Variants in SMYD3 observed in about 807,000 individuals in gnomAD.
SMYD3 encodes histone-lysine N-methyltransferase SMYD3.
Under a neutral mutation model 57.7 loss-of-function variants are expected in SMYD3, and 36 were observed. The ratio of observed to expected loss-of-function variants is 0.62; its 90% CI spans 0.48 to 0.82. The LOEUF (loss-of-function observed/expected upper bound fraction) is 0.82. SMYD3 is among the 40% of genes least tolerant of loss of function. SMYD3 has a pLI of 0.00. For synonymous variants in SMYD3, 211 were observed against 195.0 expected (o/e 1.08, Z -0.68); for missense variants, 515 against 538.8 (o/e 0.96, Z 0.44).
At chr1:245,868,488 T>C (rs1403165654) in intron 8 of SMYD3, among the ~76,000 whole-genome samples, 2 of 152,168 alleles carry the variant, frequency 1.3e-5, no homozygotes, top group African/African-American at 4.8e-5. Context: ...TATTCTTCTA[T>C]CAAGCAGGGT....
chr1:246,184,187 T>C (rs1252656962), intron 5 of SMYD3, among the ~76,000 whole-genome samples: 1 of 152,194 alleles, frequency 6.6e-6, no homozygotes, highest in African/African-American at 2.4e-5. Flanking sequence ...AAAACACTAG[T>C]CCTTTCTGGG....
rs1164186603 is a variant in SMYD3 at position 246,127,003 on chromosome 1, A to G, written c.532-197066T>C. Among the ~76,000 whole-genome samples the G allele has an allele frequency of 2.0e-5, 3 of 152,202 alleles. No individual in the cohort carries two copies. In the East Asian group the frequency reaches 5.8e-4, roughly 29 times the overall value. ...ACAAAGATGCAGCACTGAATCTAAT[A>G]GGGTTAGTAACCACTGCTTTGGATG... On this transcript the variant is annotated intron_variant, in intron 5 of 11. Coordinates refer to ENST00000490107, the MANE Select transcript of SMYD3 (RefSeq NM_001167740.2).
At chr1:245,995,198 T>C (rs1572861426) in intron 5 of SMYD3, among the ~76,000 whole-genome samples, 1 of 152,206 alleles carries the variant, frequency 6.6e-6, no homozygotes, top group African/African-American at 2.4e-5. Flanking sequence ...AGTAAACAAA[T>C]TGTCATGCTT....
Position 246,398,829 on chromosome 1 carries a change from G to T in SMYD3, c.165-43735C>A, listed in dbSNP as rs375438503. On this transcript the variant is annotated intron_variant, in intron 1 of 11. Coordinates refer to ENST00000490107, the MANE Select transcript of SMYD3 (RefSeq NM_001167740.2). ...CCAAAGAAACAGAATTCAAGAACTA[G>T]TGATGAGTCTGACAAGAGCTATATA... 7.2e-5 allele frequency among the ~76,000 whole-genome samples: 11 copies of T among 152,160 alleles called. No homozygotes were observed. In the East Asian group the frequency reaches 1.5e-3, roughly 21 times the overall value.
intron 1 of SMYD3, among the ~76,000 whole-genome samples, chr1:246,427,475 C>G (rs1191808317): frequency 3.3e-5 from 5 of 150,640 alleles, no homozygotes; most frequent in African/African-American, 7.3e-5. Flanking sequence ...AGCCGAGATC[C>G]CGCCACTGCA....
At chr1:246,034,201 C>T (rs10924455) in intron 5 of SMYD3, among the ~76,000 whole-genome samples, 8,492 of 152,228 alleles carry the variant, frequency 0.056, 312 homozygotes, top group African/African-American at 0.098. Context: ...CAAATGAAGA[C>T]GTAACTCCAT....
chr1:245,928,525 T>C (rs186832494), intron 6 of SMYD3, among the ~76,000 whole-genome samples: 5 of 136,148 alleles, frequency 3.7e-5, no homozygotes, highest in African/African-American at 1.3e-4. Context: ...TACAAAAAAA[T>C]TAGCTGGGTG....
At chr1:246,507,026 C>T in intron 1 of SMYD3, 28 bp downstream of exon 1, 2 of 1,451,706 alleles carry the variant, frequency 1.4e-6, no homozygotes, top group Non-Finnish European at 1.8e-6. Context: ...GCTCGCGACT[C>T]AGGTAGGCGA....
chr1:246,371,585 ATACAT>A (rs2066192584), intron 1 of SMYD3, among the ~76,000 whole-genome samples: 1 of 152,226 alleles, frequency 6.6e-6, no homozygotes. Flanking sequence ...ATCACAGTAA[ATACAT>A]TTTTAAAAAG....
intron 1 of SMYD3, among the ~76,000 whole-genome samples, chr1:246,459,188 G>C (rs1313995935): frequency 6.7e-6 from 1 of 150,218 alleles, no homozygotes; most frequent in Non-Finnish European, 1.5e-5. Context: ...TCTCGTGATA[G>C]TTCTCGCGAG....
At chr1:246,148,011 G>A (rs1027310548) in intron 5 of SMYD3, among the ~76,000 whole-genome samples, 7 of 152,212 alleles carry the variant, frequency 4.6e-5, no homozygotes, top group South Asian at 2.1e-4. Context: ...GGTTGGGGCC[G>A]AGCCCGGGGC....
chr1:246,115,646 T>C (rs914642441), intron 5 of SMYD3, among the ~76,000 whole-genome samples: 26 of 152,222 alleles, frequency 1.7e-4, no homozygotes, highest in Non-Finnish European at 1.5e-5. Context: ...GGCAGTGCAT[T>C]TTCACTGGAC....
chr1:246,185,315 C>T (rs372705999), intron 5 of SMYD3, among the ~76,000 whole-genome samples: 133 of 152,094 alleles, frequency 8.7e-4, no homozygotes, highest in Middle Eastern at 3.4e-3. Context: ...TCGGCTACTG[C>T]AACCTCCGCC....
intron 10 of SMYD3, among the ~76,000 whole-genome samples, chr1:245,813,691 T>C (rs1433013704): frequency 2.0e-5 from 3 of 152,096 alleles, no homozygotes; most frequent in South Asian, 2.1e-4. Context: ...CAAAGCTCCA[T>C]AGAAAGCCTC....
chr1:246,344,681 T>A (rs2153381), intron 2 of SMYD3, among the ~76,000 whole-genome samples: 145,164 of 152,250 alleles, frequency 0.95, 69,227 homozygotes, highest in East Asian at 1. Context: ...AACGCTTTAC[T>A]TTCTCACCAC....
rs1192716500 is a variant in SMYD3, at chr1:246,154,155, C to T, written c.531+173046G>A. Among the ~76,000 whole-genome samples the T allele has an allele frequency of 2.6e-5, 4 of 152,336 alleles. No individual in the cohort carries two copies. In the South Asian group the frequency reaches 8.3e-4, roughly 32 times the overall value. ...CCACTCATGTGGTATTGCACGCAGCCTACATTCACTGAACGAATCAATGGA... is the reference window on the plus strand; with the variant it reads ...CCACTCATGTGGTATTGCACGCAGCTTACATTCACTGAACGAATCAATGGA... On this transcript the variant is annotated intron_variant, in intron 5 of 11. Coordinates refer to ENST00000490107, the MANE Select transcript of SMYD3 (RefSeq NM_001167740.2).
At chr1:246,023,833 G>GTA (rs1404959101) in intron 5 of SMYD3, among the ~76,000 whole-genome samples, 1 of 151,758 alleles carries the variant, frequency 6.6e-6, no homozygotes, top group Admixed American at 6.6e-5. Context: ...GTGTGTGTGT[G>GTA]TGTGTGTGTG....
intron 1 of SMYD3, among the ~76,000 whole-genome samples, chr1:246,392,783 CA>C (rs796240166): frequency 3.0e-4 from 24 of 79,358 alleles, no homozygotes; most frequent in East Asian, 7.0e-4. Context: ...GGTTCAACAG[CA>C]AAAAAAAAAG....
chr1:246,248,131 C>G (rs2063738963), intron 5 of SMYD3, among the ~76,000 whole-genome samples: 1 of 152,124 alleles, frequency 6.6e-6, no homozygotes, highest in African/African-American at 2.4e-5. Flanking sequence ...TACTGAGCCA[C>G]TGATAAGGTG....
Sources: allele counts gnomAD v4.1 joint callset (sites outside exome capture counted in the v4.1 genomes callset), GRCh38; gene constraint gnomAD v4.1.1; transcripts MANE v1.5; gene names NCBI Gene and HGNC (gene_info 2026-07-23, HGNC 2026-07-21).